Variants in VGLL3 observed in about 807,000 individuals in gnomAD.
The protein encoded by VGLL3 is transcription cofactor vestigial-like protein 3.
In VGLL3, 18 loss-of-function variants were observed where a neutral mutation model predicts 29.2. The observed-to-expected ratio is 0.62, with a 90% CI of 0.43 to 0.91. The LOEUF (loss-of-function observed/expected upper bound fraction) is 0.91, where lower values mean the gene tolerates loss of function less well. Ranked by LOEUF, VGLL3 falls within the 40% of genes least tolerant of loss-of-function variation. The pLI is 0.00. For missense variants in VGLL3, 440 were observed against 413.2 expected, an observed-to-expected ratio of 1.06 and a Z score of -0.56; for synonymous variants, 180 against 151.8, an observed-to-expected ratio of 1.19 and a Z score of -1.36.
Position 86,938,197 on chromosome 3 carries a change from G to T in VGLL3, c.*8827C>A, listed in dbSNP as rs1281159434. ...ATATATTTAAGGTATACGATATGAT[G>T]ATTTGATATAGGTAAACATTGTGTA... On this transcript the variant is annotated 3_prime_UTR_variant, in exon 4 of 4. Transcript: ENST00000398399. 3 of 152,154 alleles carry T rather than the reference G, an allele frequency of 2.0e-5. No individual in the cohort carries two copies. 9.4% of individuals were successfully genotyped at this position (152,154 alleles called of 1,614,324 possible). A position where few individuals can be genotyped will look rare whatever the true frequency, so the allele number is the denominator to read the frequency against.
chr3:86,971,262 C>A (rs1705094888), intron 2 of VGLL3, among the ~76,000 whole-genome samples: 1 of 152,154 alleles, frequency 6.6e-6, no homozygotes, highest in South Asian at 2.1e-4. Flanking sequence ...TAACATAATT[C>A]GGCATTACTG....
intron 3 of VGLL3, among the ~76,000 whole-genome samples, chr3:86,967,143 C>T (rs1206489648): frequency 3.3e-5 from 5 of 152,036 alleles, no homozygotes; most frequent in East Asian, 1.9e-4. Flanking sequence ...GGGAAGAACA[C>T]GCCCTTTGCC....
chr3:86,980,046 G>T (rs968056819), intron 1 of VGLL3, among the ~76,000 whole-genome samples: 2 of 151,468 alleles, frequency 1.3e-5, no homozygotes, highest in African/African-American at 4.9e-5. Context: ...TAATGCTAAA[G>T]ATATGAAATG....
At chr3:86,947,924 G>A (rs1704538492) in intron 3 of VGLL3, among the ~76,000 whole-genome samples, 3 of 151,670 alleles carry the variant, frequency 2.0e-5, no homozygotes, top group African/African-American at 7.3e-5. Flanking sequence ...CCTTCAATTT[G>A]CACGTACTCG....
intron 3 of VGLL3, among the ~76,000 whole-genome samples, chr3:86,960,077 T>G (rs1031334673): frequency 1.3e-5 from 2 of 152,134 alleles, no homozygotes; most frequent in African/African-American, 4.8e-5. Context: ...AATTAATAGA[T>G]TTCATTATAA....
At chr3:86,970,786 G>A (rs1705083190) in intron 2 of VGLL3, among the ~76,000 whole-genome samples, 1 of 152,110 alleles carries the variant, frequency 6.6e-6, no homozygotes, top group Non-Finnish European at 1.5e-5. Flanking sequence ...AACTAAACAA[G>A]CACTGGGCTG....
chr3:86,976,872 T>G (rs1439932425), intron 2 of VGLL3, among the ~76,000 whole-genome samples: 3 of 152,228 alleles, frequency 2.0e-5, no homozygotes, highest in African/African-American at 7.2e-5. Flanking sequence ...ACTGATTATC[T>G]TAATAGGATT....
chr3:86,974,727 T>C (rs1233638627), intron 2 of VGLL3, among the ~76,000 whole-genome samples: 1 of 152,220 alleles, frequency 6.6e-6, no homozygotes. Flanking sequence ...TGGTAGCACT[T>C]CTGTGGCACT....
intron 1 of VGLL3, among the ~76,000 whole-genome samples, chr3:86,987,619 G>A (rs903073624): frequency 6.6e-6 from 1 of 152,134 alleles, no homozygotes; most frequent in Non-Finnish European, 1.5e-5. Context: ...GTGGGCATGC[G>A]AAACAGGTCA....
intron 3 of VGLL3, among the ~76,000 whole-genome samples, chr3:86,963,292 C>T (rs1050178412): frequency 7.2e-5 from 11 of 152,106 alleles, no homozygotes; most frequent in Admixed American, 2.6e-4. Context: ...TGCTACAACA[C>T]GCATGAAACT....
chr3:86,949,269 G>T (rs967745368), intron 3 of VGLL3, among the ~76,000 whole-genome samples: 1 of 152,078 alleles, frequency 6.6e-6, no homozygotes, highest in Non-Finnish European at 1.5e-5. Context: ...TCATTCTCTC[G>T]TTATAAATTC....
chr3:86,947,151 T>C lies in VGLL3; in HGVS notation c.938-84A>G. The C allele has an allele frequency of 5.3e-6, 4 of 760,920 alleles. No homozygotes were observed. The South Asian group carries it at 5.6e-5, about 11-fold the overall frequency. 47.1% of individuals were successfully genotyped at this position (760,920 alleles called of 1,614,324 possible). A position where few individuals can be genotyped will look rare whatever the true frequency, so the allele number is the denominator to read the frequency against. The stretch of plus-strand genomic sequence containing the variant: ...TAAGCATAATCTGCAATACATTGGA[T>C]ATAGAAACCAAAATGATAATCCAGG... On this transcript the variant is annotated intron_variant, in intron 3 of 3. Coordinates refer to ENST00000398399, the MANE Select transcript of VGLL3 (RefSeq NM_016206.4).
rs2107050070 is a variant in VGLL3, at chr3:86,978,759, A to G, written c.170T>C (p.Val57Ala). 6.2e-7 allele frequency: 1 copy of G among 1,613,578 alleles called. No individual in the cohort carries two copies. The highest frequency in any genetic ancestry group is 1.6e-4 in the Middle Eastern group (1 of 6,062). Reference protein sequence around the residue: ...VFSKMQDSLEVTLPSKQEEED... With the variant: ...VFSKMQDSLEATLPSKQEEED... ...CTCCTCTTGTTTGCTGGGAAGGGTG[A>G]CTTCCAGAGAGTCCTGCATCTTGCT... is the stretch of plus-strand genomic sequence containing the variant. Residue 57 changes from valine to alanine, a missense_variant, in exon 2 of 4, where the codon GTC becomes GCC. Val to Ala is a moderately conservative substitution (Grantham distance 64). Transcript: ENST00000398399.
intron 3 of VGLL3, among the ~76,000 whole-genome samples, chr3:86,956,810 A>AG (rs1243737892): frequency 2.0e-5 from 3 of 151,384 alleles, no homozygotes; most frequent in Non-Finnish European, 2.9e-5. Context: ...AAAAAAAAAA[A>AG]AAAGAAAGAA....
chr3:86,947,634 C>G (rs1704534197), intron 3 of VGLL3, among the ~76,000 whole-genome samples: 1 of 152,074 alleles, frequency 6.6e-6, no homozygotes, highest in Non-Finnish European at 1.5e-5. Flanking sequence ...AACTAACAGT[C>G]CAGACCTATA....
chr3:86,958,152 C>T (rs576435806), intron 3 of VGLL3, among the ~76,000 whole-genome samples: 7 of 152,100 alleles, frequency 4.6e-5, no homozygotes, highest in South Asian at 4.2e-4. Context: ...TGATGGTAAT[C>T]GCTCAATTCC....
Position 86,988,500 on chromosome 3 carries a change from C to T in VGLL3, c.126+2118G>A, listed in dbSNP as rs542589519. Among the ~76,000 whole-genome samples, 7 of 151,242 alleles carry T rather than the reference C, an allele frequency of 4.6e-5. 1 individual carries two copies. In the South Asian group the frequency reaches 1.5e-3, roughly 32 times the overall value. On this transcript the variant is annotated intron_variant, in intron 1 of 3. Transcript: ENST00000398399. Reference sequence around the variant, plus strand: ...AATGCTGTCAGCCTGATAAGAATTTCCTGATTTACTCTCTTTTCCAATAGA... The same window carrying T: ...AATGCTGTCAGCCTGATAAGAATTTTCTGATTTACTCTCTTTTCCAATAGA...
chr3:86,949,099 C>A (rs1006173168), intron 3 of VGLL3, among the ~76,000 whole-genome samples: 1 of 152,168 alleles, frequency 6.6e-6, no homozygotes, highest in African/African-American at 2.4e-5. Context: ...TTGTAATCAT[C>A]AAGTGGTTTG....
rs1704345038 is a variant in VGLL3 at position 86,939,390 on chromosome 3, GC to G, written c.*7633del. The G allele has an allele frequency of 6.6e-6, 1 of 152,304 alleles. No individual in the cohort carries two copies. Among genetic ancestry groups the G allele is most frequent in the South Asian group, 2.1e-4 (1 of 4,830 alleles). The allele number at this position is 152,304 out of a possible 1,614,324, so 9.4% of individuals were successfully genotyped here. On this transcript the variant is annotated 3_prime_UTR_variant, in exon 4 of 4. Transcript: ENST00000398399. Reference sequence around the variant, plus strand: ...GCCTGTAATCCCAACACTTTGGGAGGCCAAGGCAGGCAGATCACGAGGTCAG... The same window carrying G: ...GCCTGTAATCCCAACACTTTGGGAGGCAAGGCAGGCAGATCACGAGGTCAG...
Sources: gnomAD v4.1 joint callset for allele counts (sites outside exome capture counted in the v4.1 genomes callset) on GRCh38, gnomAD v4.1.1 for gene constraint, MANE v1.5 for transcripts, NCBI Gene and HGNC (gene_info 2026-07-23, HGNC 2026-07-21) for gene names.